Variants in SLC26A9 observed in about 807,000 individuals in gnomAD.
The protein encoded by SLC26A9 is solute carrier family 26 member 9.
In SLC26A9, 46 loss-of-function variants were observed where a neutral mutation model predicts 87.1. That is an observed-to-expected ratio of 0.53 (90% CI 0.42 to 0.67). SLC26A9 has a LOEUF of 0.67. Among genes scored for constraint, SLC26A9 ranks in the 30% least tolerant of loss-of-function variants. SLC26A9 has a pLI of 0.00. For synonymous variants in SLC26A9, 437 were observed against 409.1 expected, an observed-to-expected ratio of 1.07 and a Z score of -0.82; for missense variants, 927 against 1,018.3, an observed-to-expected ratio of 0.91 and a Z score of 1.22.
Position 205,914,754 on chromosome 1 carries a change from A to C in SLC26A9, c.*603T>G. 1 of 1,083,482 alleles carries C rather than the reference A, an allele frequency of 9.2e-7. No homozygotes were observed. Among genetic ancestry groups the C allele is most frequent in the Non-Finnish European group, 1.3e-6 (1 of 756,118 alleles). The allele number at this position is 1,083,482 out of a possible 1,614,324, so 67.1% of individuals were successfully genotyped here. A position where few individuals can be genotyped will look rare whatever the true frequency, so the allele number is the denominator to read the frequency against. On this transcript the variant is annotated 3_prime_UTR_variant, in exon 21 of 21. Transcript: ENST00000367135. ...AGTGGTGGTTTGGGCAGCCTTGGGGATGATGGAGGGGGGGCGCATAGTTAC... is the reference window on the plus strand; with the variant it reads ...AGTGGTGGTTTGGGCAGCCTTGGGGCTGATGGAGGGGGGGCGCATAGTTAC...
intron 18 of SLC26A9, among the ~76,000 whole-genome samples, chr1:205,919,938 C>T (rs1658754963): frequency 6.6e-6 from 1 of 152,112 alleles, no homozygotes; most frequent in South Asian, 2.1e-4. Flanking sequence ...CCTAGCTGTC[C>T]TTCTGTAACT....
intron 10 of SLC26A9, 40 bp downstream of exon 10, chr1:205,927,451 CT>C: frequency 6.3e-7 from 1 of 1,597,510 alleles, no homozygotes. Flanking sequence ...GGCAACTGTT[CT>C]CTTACCACCT....
Position 205,928,034 on chromosome 1 carries a change from C to A in SLC26A9, c.969G>T (p.Val323=), listed in dbSNP as rs1332592080. 6.2e-7 allele frequency: 1 copy of A among 1,613,958 alleles called. No homozygotes were observed. The highest frequency in any genetic ancestry group is 2.2e-5 in the East Asian group (1 of 44,892). ...GEIQRGFPTP[V]SPVVSQWKDM... ...CCTTCCACTGTGAGACCACAGGCGA[C>A]ACCGGGGTGGGGAACCTGCCGAGGA... The change falls in exon 9 of 21, where the codon GTG becomes GTT. Residue 323 remains valine (V), a synonymous_variant. Coordinates refer to ENST00000367135, the MANE Select transcript of SLC26A9 (RefSeq NM_052934.4).
rs764730357 is a variant in SLC26A9 at position 205,931,927 on chromosome 1, G to A, written c.485C>T (p.Thr162Ile). ...NNATNESYVD[T>I]AAMEAERLHV... Reference sequence around the variant, plus strand: ...CAGCCTCTCAGCCTCCATGGCTGCTGTGTCCACATAGCTCTCATTGGTGGC... The same window carrying A: ...CAGCCTCTCAGCCTCCATGGCTGCTATGTCCACATAGCTCTCATTGGTGGC... The change falls in exon 5 of 21, where the codon ACA becomes ATA. Residue 162 changes from threonine to isoleucine, a missense_variant. Thr to Ile is a moderately conservative substitution (Grantham distance 89). Transcript: ENST00000367135. The A allele has an allele frequency of 2.5e-6, 4 of 1,614,252 alleles. No individual in the cohort carries two copies. In the Admixed American group the frequency reaches 5.0e-5, roughly 20 times the overall value.
rs898241347 is a variant in SLC26A9 at position 205,913,677 on chromosome 1, C to G, written c.*1680G>C. 1 of 152,640 alleles carries G rather than the reference C, an allele frequency of 6.6e-6. No homozygotes were observed. The highest frequency in any genetic ancestry group is 2.4e-5 in the African/African-American group (1 of 41,436). The allele number at this position is 152,640 out of a possible 1,614,324, so 9.5% of individuals were successfully genotyped here. ...AATTTGGCACTTCGGGTGCTGGGCA[C>G]GGTGAATCCCAGATAACATTGTCCT... On this transcript the variant is annotated 3_prime_UTR_variant, in exon 21 of 21. Coordinates refer to ENST00000367135, the MANE Select transcript of SLC26A9 (RefSeq NM_052934.4).
chr1:205,939,926 C>A (rs1360493270), intron 1 of SLC26A9, among the ~76,000 whole-genome samples: 1 of 152,226 alleles, frequency 6.6e-6, no homozygotes, highest in Non-Finnish European at 1.5e-5. Context: ...GCCCCCACCA[C>A]CCCTCCACTG....
intron 17 of SLC26A9, 139 bp downstream of exon 17, chr1:205,921,427 G>C (rs1235344424): frequency 1.8e-6 from 2 of 1,136,662 alleles, no homozygotes; most frequent in Non-Finnish European, 2.4e-6. Flanking sequence ...GGGGAAAGGA[G>C]GGATTCCTAG....
chr1:205,935,594 T>C, intron 2 of SLC26A9, 102 bp downstream of exon 2: 1 of 1,536,148 alleles, frequency 6.5e-7, no homozygotes, highest in Non-Finnish European at 8.8e-7. Context: ...GGGCTTCCCT[T>C]AACCCCATCT....
intron 2 of SLC26A9, among the ~76,000 whole-genome samples, chr1:205,933,566 C>G (rs1339386462): frequency 6.6e-6 from 1 of 152,202 alleles, no homozygotes; most frequent in Non-Finnish European, 1.5e-5. Flanking sequence ...AAGTCTAGCT[C>G]TCCTGTTCAT....
At chr1:205,916,385 T>C (rs1658592258) in intron 20 of SLC26A9, among the ~76,000 whole-genome samples, 1 of 152,158 alleles carries the variant, frequency 6.6e-6, no homozygotes, top group African/African-American at 2.4e-5. Context: ...GTGTGAACCA[T>C]TGCACCCAGC....
chr1:205,921,436 A>T, intron 17 of SLC26A9, 130 bp downstream of exon 17: 1 of 1,192,498 alleles, frequency 8.4e-7, no homozygotes, highest in Non-Finnish European at 1.2e-6. Context: ...AGGGATTCCT[A>T]GGAGCTGTTA....
In SLC26A9 at chr1:205,931,465, G is replaced by GTTTTTCTTTTTTTT. The variant is rs1659300678; in HGVS notation, c.552+394_552+395insAAAAAAAAGAAAAA. On this transcript the variant is annotated intron_variant, in intron 5 of 20. Coordinates refer to ENST00000367135, the MANE Select transcript of SLC26A9 (RefSeq NM_052934.4). The stretch of plus-strand genomic sequence containing the variant: ...GAGGGAGGAGGTGAGCCCTAACTTG[G>GTTTTTCTTTTTTTT]TTTTTTTTTTTTTTTTTTTGAGACG... Among the ~76,000 whole-genome samples the GTTTTTCTTTTTTTT allele has an allele frequency of 2.1e-5, 2 of 96,012 alleles. 1 individual carries two copies. The highest frequency in any genetic ancestry group is 4.0e-5 in the Non-Finnish European group (2 of 50,202). 63.0% of individuals were successfully genotyped at this position (96,012 alleles called of 152,430 possible). A position where few individuals can be genotyped will look rare whatever the true frequency, so the allele number is the denominator to read the frequency against.
chr1:205,932,410 T>C (rs1659341181), intron 4 of SLC26A9, among the ~76,000 whole-genome samples: 2 of 152,240 alleles, frequency 1.3e-5, no homozygotes, highest in Non-Finnish European at 2.9e-5. Flanking sequence ...TGGTGATTTC[T>C]CACATCTGTT....
Position 205,923,142 on chromosome 1 carries a change from C to T in SLC26A9, c.1713G>A (p.Lys571=). 6.2e-7 allele frequency: 1 copy of T among 1,614,160 alleles called. No individual in the cohort carries two copies. The highest frequency in any genetic ancestry group is 8.5e-7 in the Non-Finnish European group (1 of 1,180,032). Residue 571 remains lysine, a synonymous_variant, in exon 16 of 21, where the codon AAG becomes AAA. Transcript: ENST00000367135. ...TGGGCCTCATTCTCCGCTTCTCCTG[C>T]TTCTTGAGGTATTTTTGCTTGGCTA... ...VLLAKQKYLK[K]QEKRRMRPTQ...
chr1:205,935,811 G>A lies in SLC26A9; in HGVS notation c.10C>T (p.Pro4Ser), dbSNP rs779386094. ...CTGTCTACCACGTAGCGGGGCCTGG[G>A]CTGGCTCATATCTGGGGCATTTACA... Reference protein sequence around the residue: MSQPRPRYVVDRAA... With the variant: MSQSRPRYVVDRAA... The change falls in exon 2 of 21, where the codon CCC becomes TCC. Residue 4 changes from proline to serine, a missense_variant. Pro to Ser is a moderately conservative substitution (Grantham distance 74). Coordinates refer to ENST00000367135, the MANE Select transcript of SLC26A9 (RefSeq NM_052934.4). 6.2e-7 allele frequency: 1 copy of A among 1,613,576 alleles called. No individual in the cohort carries two copies. Among genetic ancestry groups the A allele is most frequent in the Non-Finnish European group, 8.5e-7 (1 of 1,179,664 alleles).
At chr1:205,935,445 G>T (rs894315591) in intron 2 of SLC26A9, among the ~76,000 whole-genome samples, 4 of 152,122 alleles carry the variant, frequency 2.6e-5, no homozygotes, top group Non-Finnish European at 5.9e-5. Context: ...GAGAATATGG[G>T]AGATGCCATG....
rs1387990251 is a variant in SLC26A9 at position 205,928,067 on chromosome 1, A to G, written c.954-18T>C. On this transcript the variant is annotated intron_variant, in intron 8 of 20. Transcript: ENST00000367135. ...TGGGGAACCTGCCGAGGAGCCAGGA[A>G]GGAGGCAGAACCCAAGGGTGTGAGT... The G allele has an allele frequency of 6.2e-7, 1 of 1,611,944 alleles. No individual in the cohort carries two copies. The highest frequency in any genetic ancestry group is 8.5e-7 in the Non-Finnish European group (1 of 1,179,372).
chr1:205,941,918 C>T (rs1239988299), intron 1 of SLC26A9, among the ~76,000 whole-genome samples: 1 of 152,218 alleles, frequency 6.6e-6, no homozygotes, highest in Non-Finnish European at 1.5e-5. Flanking sequence ...CCCAGCTGCT[C>T]TGGTCCCAGA....
Position 205,932,991 on chromosome 1 carries a change from A to G in SLC26A9, c.219T>C (p.Pro73=), listed in dbSNP as rs780057986. The G allele has an allele frequency of 1.2e-6, 2 of 1,614,038 alleles. No homozygotes were observed. The highest frequency in any genetic ancestry group is 1.3e-5 in the African/African-American group (1 of 74,916). ...PKYKIKDYII[P]DLLGGLSGGS... is the part of the protein sequence containing the mutation. ...CCCCGCTGAGTCCACCGAGCAGGTC[A>G]GGAATGATGTAGTCTTTAATCTTGT... is the stretch of plus-strand genomic sequence containing the variant. The change falls in exon 3 of 21, where the codon CCT becomes CCC. Residue 73 remains proline (P), a synonymous_variant. Coordinates refer to ENST00000367135, the MANE Select transcript of SLC26A9 (RefSeq NM_052934.4).
Sources: gnomAD v4.1 joint callset for allele counts (sites outside exome capture counted in the v4.1 genomes callset) on GRCh38, gnomAD v4.1.1 for gene constraint, MANE v1.5 for transcripts, NCBI Gene and HGNC (gene_info 2026-07-23, HGNC 2026-07-21) for gene names.